The following BLTP1 variants were observed in gnomAD, a reference collection of about 807,000 sequenced individuals.
BLTP1 encodes bridge-like lipid transfer protein family member 1.
the BLTP1 span, among the ~76,000 whole-genome samples, chr4:122,297,506 T>TA: frequency 2.6e-5 from 4 of 152,094 alleles, no homozygotes; most frequent in Admixed American, 2.0e-4. Flanking sequence ...GGGCAATTCC[T>TA]AAAAAATCTG....
the BLTP1 span, chr4:122,170,520 C>T: frequency 2.2e-6 from 3 of 1,343,478 alleles, no homozygotes; most frequent in East Asian, 9.2e-5. Flanking sequence ...ATTTAATCAA[C>T]TTCGTTTATT....
chr4:122,277,787 T>C, the BLTP1 span: 2 of 895,600 alleles, frequency 2.2e-6, no homozygotes, highest in Non-Finnish European at 2.7e-6. Flanking sequence ...ACTCCCTAAT[T>C]AGATTTTAAG....
chr4:122,258,094 A>G, the BLTP1 span, among the ~76,000 whole-genome samples: 1 of 152,200 alleles, frequency 6.6e-6, no homozygotes, highest in African/African-American at 2.4e-5. Context: ...TGGCTGTGTC[A>G]GAATAAAGAT....
At chr4:122,235,052 A>G in the BLTP1 span, 1 of 1,545,852 alleles carries the variant, frequency 6.5e-7, no homozygotes, top group Non-Finnish European at 8.8e-7. Context: ...ACTTGTGCTA[A>G]TTGTTTACTT....
chr4:122,158,684 T>C, the BLTP1 span, among the ~76,000 whole-genome samples: 3 of 152,090 alleles, frequency 2.0e-5, no homozygotes, highest in Non-Finnish European at 2.9e-5. Flanking sequence ...GGCAGGAGAA[T>C]GGCGTGAACC....
chr4:122,271,280 A>C, the BLTP1 span: 3 of 1,613,924 alleles, frequency 1.9e-6, no homozygotes, highest in Non-Finnish European at 2.5e-6. Context: ...AGATGACATC[A>C]AAGCAACTCA....
At chr4:122,178,825 C>T in the BLTP1 span, among the ~76,000 whole-genome samples, 1 of 151,900 alleles carries the variant, frequency 6.6e-6, no homozygotes, top group South Asian at 2.1e-4. Flanking sequence ...GTGACTAGTA[C>T]ATAGAAGATG....
chr4:122,203,411 G>A, the BLTP1 span, among the ~76,000 whole-genome samples: 1 of 151,800 alleles, frequency 6.6e-6, no homozygotes, highest in African/African-American at 2.4e-5. Context: ...TAATACACTG[G>A]CATTGAAAAG....
the BLTP1 span, among the ~76,000 whole-genome samples, chr4:122,165,119 G>A: frequency 1.3e-5 from 2 of 151,596 alleles, no homozygotes; most frequent in Non-Finnish European, 2.9e-5. Flanking sequence ...TGTGCATAAC[G>A]TGCAGGTTAG....
the BLTP1 span, chr4:122,251,025 A>T: frequency 1.0e-6 from 1 of 985,184 alleles, no homozygotes; most frequent in Non-Finnish European, 1.2e-6. Flanking sequence ...TATTTTTATT[A>T]TGGTAGAATT....
At chr4:122,211,155 A>G in the BLTP1 span, 4 of 1,424,228 alleles carry the variant, frequency 2.8e-6, no homozygotes, top group Admixed American at 7.9e-5. Context: ...TTAAAATTTA[A>G]TTGAAAATTG....
the BLTP1 span, among the ~76,000 whole-genome samples, chr4:122,252,061 C>T: frequency 6.6e-6 from 1 of 152,154 alleles, no homozygotes; most frequent in South Asian, 2.1e-4. Flanking sequence ...AGAAGGGAAC[C>T]CACTGCATTG....
chr4:122,218,408 G>C, the BLTP1 span, among the ~76,000 whole-genome samples: 1 of 152,090 alleles, frequency 6.6e-6, no homozygotes, highest in Admixed American at 6.5e-5. Context: ...AAAAAGCACT[G>C]GTTTTGTGAG....
chr4:122,262,858 A>G, the BLTP1 span: 1 of 1,614,068 alleles, frequency 6.2e-7, no homozygotes, highest in Non-Finnish European at 8.5e-7. Flanking sequence ...CCAGTAAAGG[A>G]CAGTCCAAGG....
the BLTP1 span, chr4:122,276,347 T>TA: frequency 1.5e-6 from 1 of 673,046 alleles, no homozygotes; most frequent in Admixed American, 6.3e-5. Context: ...AATGGAAGCT[T>TA]AAAAAATTCA....
the BLTP1 span, among the ~76,000 whole-genome samples, chr4:122,323,721 C>A: frequency 6.6e-6 from 1 of 152,010 alleles, no homozygotes; most frequent in Non-Finnish European, 1.5e-5. Flanking sequence ...GCTGTCTACA[C>A]AACAGTCATA....
At chr4:122,207,295 A>G in the BLTP1 span, 1 of 1,561,610 alleles carries the variant, frequency 6.4e-7, no homozygotes, top group Non-Finnish European at 8.7e-7. Flanking sequence ...TAGGTTAAAT[A>G]TTTCTCTCAT....
chr4:122,340,924 A>G, the BLTP1 span: 10 of 758,036 alleles, frequency 1.3e-5, no homozygotes, highest in Non-Finnish European at 1.6e-5. Flanking sequence ...ACATTTCTGT[A>G]GTGATACCAT....
the BLTP1 span, chr4:122,273,540 AC>A: frequency 2.0e-6 from 1 of 510,144 alleles, no homozygotes; most frequent in Non-Finnish European, 2.5e-6. Flanking sequence ...GTTAAGAATG[AC>A]CATACTCATT....
Sources: gnomAD v4.1 joint callset for allele counts (sites outside exome capture counted in the v4.1 genomes callset) on GRCh38, gnomAD v4.1.1 for gene constraint, MANE v1.5 for transcripts, NCBI Gene and HGNC (gene_info 2026-07-23, HGNC 2026-07-21) for gene names.